The following LARGE1 variants were observed in gnomAD, a reference collection of about 807,000 sequenced individuals.
The protein encoded by LARGE1 is xylosyl- and glucuronyltransferase LARGE1.
In LARGE1, 43 loss-of-function variants were observed where a neutral mutation model predicts 87.6. That is an observed-to-expected ratio of 0.49 (90% CI 0.38 to 0.63). The LOEUF (loss-of-function observed/expected upper bound fraction) is 0.63. LARGE1 is among the 30% of genes least tolerant of loss of function. The probability of loss-of-function intolerance (pLI) is 0.00; values close to 1 mark genes in which losing one functional copy is unlikely to be tolerated. For synonymous variants in LARGE1, 434 were observed against 394.6 expected, an observed-to-expected ratio of 1.10 and a Z score of -1.18; for missense variants, 802 against 1,000.2, an observed-to-expected ratio of 0.80 and a Z score of 2.67.
intron 2 of LARGE1, among the ~76,000 whole-genome samples, chr22:33,729,582 C>T (rs1052369984): frequency 6.6e-6 from 1 of 152,212 alleles, no homozygotes; most frequent in Non-Finnish European, 1.5e-5. Flanking sequence ...AAAGTAGCCA[C>T]ATTAGGAGGC....
At chr22:33,259,364 GGACACACACACACATACACACACA>G (rs1158590084) in intron 11 of LARGE1, among the ~76,000 whole-genome samples, 1 of 148,850 alleles carries the variant, frequency 6.7e-6, no homozygotes, top group Admixed American at 6.7e-5. Context: ...ACACATGCAC[GGACACACACACACATACACACACA>G]GACACTTAGG....
chr22:33,317,509 A>G lies in LARGE1; in HGVS notation c.1288-1261T>C, dbSNP rs1342652908. Among the ~76,000 whole-genome samples the G allele has an allele frequency of 3.3e-5, 5 of 152,194 alleles. No individual in the cohort carries two copies. The East Asian group carries it at 9.6e-4, about 29-fold the overall frequency. ...CTCTTTTCTTTCTTTGAACTCTCTG[A>G]AAGTCTTACTTCATTAATCTGCTTG... is the stretch of plus-strand genomic sequence containing the variant. On this transcript the variant is annotated intron_variant, in intron 10 of 14. Transcript: ENST00000397394.
chr22:33,659,283 A>C (rs953781712), intron 2 of LARGE1, among the ~76,000 whole-genome samples: 5 of 152,222 alleles, frequency 3.3e-5, no homozygotes, highest in African/African-American at 1.2e-4. Flanking sequence ...CCTTTTAATT[A>C]ACATAAAGAT....
At chr22:33,090,345 G>GA in the LARGE1 span, among the ~76,000 whole-genome samples, 1 of 152,004 alleles carries the variant, frequency 6.6e-6, no homozygotes, top group Non-Finnish European at 1.5e-5. Context: ...TATAAGCACT[G>GA]AAAAAAAATG....
chr22:33,267,757 G>A (rs1928030655), downstream of LARGE1, among the ~76,000 whole-genome samples: 1 of 151,480 alleles, frequency 6.6e-6, no homozygotes, highest in Non-Finnish European at 1.5e-5. Context: ...AATCAGTAGG[G>A]TGACGCAGTT....
At chr22:33,648,314 TC>T (rs1170256778) in intron 3 of LARGE1, among the ~76,000 whole-genome samples, 2 of 152,228 alleles carry the variant, frequency 1.3e-5, no homozygotes, top group Non-Finnish European at 2.9e-5. Context: ...AAGAGAAATG[TC>T]CCCACAAACA....
intron 6 of LARGE1, among the ~76,000 whole-genome samples, chr22:33,500,055 G>A (rs543646144): frequency 2.6e-5 from 4 of 152,320 alleles, no homozygotes; most frequent in Middle Eastern, 3.4e-3. Context: ...ATTACAAGGC[G>A]TGAGTCACCA....
intron 3 of LARGE1, 113 bp from the exon 4 acceptor site, chr22:33,626,439 G>A (rs893497114): frequency 2.6e-6 from 2 of 783,538 alleles, no homozygotes; most frequent in African/African-American, 3.4e-5. Context: ...GGCATCATTA[G>A]AAAACAAAGG....
chr22:33,613,374 G>A (rs896558161), intron 4 of LARGE1, among the ~76,000 whole-genome samples: 2 of 152,116 alleles, frequency 1.3e-5, no homozygotes, highest in Non-Finnish European at 2.9e-5. Context: ...TGTGTAAGCC[G>A]AAATAGTTCC....
Position 33,629,770 on chromosome 22 carries a change from T to C in LARGE1, c.409-3444A>G, listed in dbSNP as rs1450153815. On this transcript the variant is annotated intron_variant, in intron 3 of 14. Transcript: ENST00000397394. ...GGTAGATTAAAAATGGTCACAACTA[T>C]TCAACATTCCTCCTATCAAAGGGTG... 3.3e-5 allele frequency among the ~76,000 whole-genome samples: 5 copies of C among 152,234 alleles called. No homozygotes were observed. The East Asian group carries it at 9.6e-4, about 29-fold the overall frequency.
chr22:33,476,249 C>T (rs1200406330), intron 6 of LARGE1, among the ~76,000 whole-genome samples: 2 of 152,210 alleles, frequency 1.3e-5, no homozygotes, highest in African/African-American at 2.4e-5. Context: ...CTTCCTCTGC[C>T]CTATTTATGT....
chr22:33,239,842 C>T (rs1435685228), intron 11 of LARGE1, among the ~76,000 whole-genome samples: 1 of 152,036 alleles, frequency 6.6e-6, no homozygotes, highest in Non-Finnish European at 1.5e-5. Context: ...GGCCTGCACC[C>T]CTTACTATTA....
At chr22:33,403,625 C>T (rs752204244) in intron 7 of LARGE1, among the ~76,000 whole-genome samples, 17 of 151,614 alleles carry the variant, frequency 1.1e-4, no homozygotes, top group East Asian at 7.8e-4. Flanking sequence ...TTTTTTGAGA[C>T]GGAGTTTCGT....
chr22:33,816,674 G>GGATGGATA (rs145852114), intron 1 of LARGE1, among the ~76,000 whole-genome samples: 53,612 of 139,930 alleles, frequency 0.38, 10,731 homozygotes, highest in East Asian at 0.56. Context: ...ACGGATGGAT[G>GGATGGATA]GATAGATAGA....
intron 6 of LARGE1, among the ~76,000 whole-genome samples, chr22:33,486,456 A>G (rs189640105): frequency 6.6e-6 from 1 of 152,282 alleles, no homozygotes; most frequent in Admixed American, 6.5e-5. Context: ...CAGAGCATCA[A>G]CATCAAGCAT....
chr22:33,077,227 C>T, the LARGE1 span, among the ~76,000 whole-genome samples: 16 of 152,116 alleles, frequency 1.1e-4, no homozygotes, highest in African/African-American at 3.9e-4. Flanking sequence ...TTATTGAGTG[C>T]TTATTATGTA....
intron 6 of LARGE1, among the ~76,000 whole-genome samples, chr22:33,561,935 C>A (rs1481080622): frequency 6.6e-6 from 1 of 152,198 alleles, no homozygotes; most frequent in Non-Finnish European, 1.5e-5. Flanking sequence ...TTTCACAGCG[C>A]CACAAAGGAA....
chr22:33,688,124 C>T (rs1424059375), intron 2 of LARGE1, among the ~76,000 whole-genome samples: 1 of 152,294 alleles, frequency 6.6e-6, no homozygotes, highest in East Asian at 1.9e-4. Flanking sequence ...AACCCTGAAG[C>T]CAGGCTCCTT....
chr22:33,130,781 C>T, the LARGE1 span, among the ~76,000 whole-genome samples: 3 of 152,170 alleles, frequency 2.0e-5, no homozygotes, highest in South Asian at 6.2e-4. Context: ...TGTGGTGGCT[C>T]ACGCTTGTAA....
Sources: allele counts gnomAD v4.1 joint callset (sites outside exome capture counted in the v4.1 genomes callset), GRCh38; gene constraint gnomAD v4.1.1; transcripts MANE v1.5; gene names NCBI Gene and HGNC (gene_info 2026-07-23, HGNC 2026-07-21).